INSL6: variants seen among roughly 807,000 people sequenced by gnomAD.
INSL6 encodes insulin like 6.
Under a neutral mutation model 9.4 loss-of-function variants are expected in INSL6, and 16 were observed. The ratio of observed to expected loss-of-function variants is 1.70; its 90% confidence interval spans 1.15 to 2.59. INSL6 has a LOEUF of 2.59. Among genes scored for constraint, INSL6 ranks in the 30% most tolerant of loss-of-function variants. The pLI, the probability that INSL6 is intolerant of heterozygous loss-of-function variation, is 0.00. For synonymous variants in INSL6, 154 were observed against 96.9 expected, an observed-to-expected ratio of 1.59 and a Z score of -3.46; for missense variants, 391 against 257.3, an observed-to-expected ratio of 1.52 and a Z score of -3.56.
At chr9:5,167,604 G>C (rs1169665348) in intron 1 of INSL6, among the ~76,000 whole-genome samples, 1 of 152,212 alleles carries the variant, frequency 6.6e-6, no homozygotes, top group Non-Finnish European at 1.5e-5. Flanking sequence ...TTTATGGATA[G>C]AACTCTGATA....
the INSL6 span, among the ~76,000 whole-genome samples, chr9:5,061,908 A>G: frequency 5.3e-5 from 8 of 152,214 alleles, no homozygotes; most frequent in African/African-American, 1.9e-4. Flanking sequence ...TTGTAGGATT[A>G]TTAATTGGCC....
the INSL6 span, chr9:5,041,142 G>T: frequency 5.6e-6 from 6 of 1,065,446 alleles, no homozygotes; most frequent in East Asian, 9.7e-5. Flanking sequence ...ATCGCCATCC[G>T]GCTGATCACG....
chr9:5,112,900 G>A, the INSL6 span: 1 of 312,578 alleles, frequency 3.2e-6, no homozygotes, highest in Non-Finnish European at 5.7e-6. Flanking sequence ...CGTGGGCTGG[G>A]CCCAGAACGC....
the INSL6 span, chr9:5,114,418 G>T: frequency 2.0e-6 from 1 of 499,040 alleles, no homozygotes. Flanking sequence ...TGGATCAAGG[G>T]GGAGACCTAC....
chr9:5,043,946 T>C, the INSL6 span, among the ~76,000 whole-genome samples: 1 of 152,256 alleles, frequency 6.6e-6, no homozygotes, highest in Non-Finnish European at 1.5e-5. Context: ...GACTTTATGG[T>C]ATGTGAATTA....
chr9:5,096,492 C>G, the INSL6 span, among the ~76,000 whole-genome samples: 1 of 152,158 alleles, frequency 6.6e-6, no homozygotes, highest in South Asian at 2.1e-4. Context: ...ACTTCTCCCT[C>G]CATGTGGGGG....
At chr9:5,080,160 C>G in the INSL6 span, 4 of 1,184,270 alleles carry the variant, frequency 3.4e-6, no homozygotes, top group South Asian at 6.6e-5. Context: ...AACTTTAAAG[C>G]TATTTACATA....
the INSL6 span, among the ~76,000 whole-genome samples, chr9:5,103,221 C>CAAAA: frequency 1.6e-3 from 11 of 6,872 alleles, 1 homozygote; most frequent in African/African-American, 1.8e-3. Context: ...AAAGGGAAAG[C>CAAAA]AAAAAAAAAA....
the INSL6 span, among the ~76,000 whole-genome samples, chr9:5,023,281 T>C: frequency 6.6e-6 from 1 of 152,240 alleles, no homozygotes; most frequent in African/African-American, 2.4e-5. Context: ...TCCTGGCTTA[T>C]TTCACTCGAC....
chr9:5,127,751 T>C (rs550957698), intron 3 of INSL6: 1 of 232,630 alleles, frequency 4.3e-6, no homozygotes, highest in Non-Finnish European at 8.5e-6. Flanking sequence ...TTAGATTGTT[T>C]TTTAAAAATG....
the INSL6 span, among the ~76,000 whole-genome samples, chr9:5,023,801 A>G: frequency 2.5e-3 from 382 of 152,302 alleles, 2 homozygotes; most frequent in South Asian, 0.02. Flanking sequence ...CTGGTCAGTT[A>G]TCTTGACTAT....
At chr9:5,116,768 T>C in the INSL6 span, among the ~76,000 whole-genome samples, 1 of 152,202 alleles carries the variant, frequency 6.6e-6, no homozygotes, top group African/African-American at 2.4e-5. Context: ...AAGTTTGACG[T>C]GATAGGCAAA....
the INSL6 span, chr9:5,078,377 G>A: frequency 6.2e-7 from 1 of 1,612,916 alleles, no homozygotes; most frequent in Non-Finnish European, 8.5e-7. Context: ...AAGACAGGAA[G>A]ACAGGAAATC....
the INSL6 span, among the ~76,000 whole-genome samples, chr9:5,033,198 A>G: frequency 1.3e-5 from 2 of 152,188 alleles, no homozygotes; most frequent in African/African-American, 4.8e-5. Context: ...TTTAGAGAAA[A>G]AGGAATAAAA....
chr9:5,014,489 C>T, the INSL6 span, among the ~76,000 whole-genome samples: 1 of 152,080 alleles, frequency 6.6e-6, no homozygotes. Flanking sequence ...TCTAGTGGTA[C>T]AAGACAATGA....
At chr9:5,086,261 T>A in the INSL6 span, 39 of 485,812 alleles carry the variant, frequency 8.0e-5, no homozygotes, top group Middle Eastern at 1.9e-3. Context: ...TGGCTCCGCC[T>A]CTGGCCCGCG....
At chr9:5,163,750 GAAAATACT>G, downstream of INSL6, 1 of 587,380 alleles carries the variant, frequency 1.7e-6, no homozygotes, top group Non-Finnish European at 3.0e-6. Flanking sequence ...GGTCACCAAA[GAAAATACT>G]AAGATACCTA....
chr9:5,072,887 ATTT>A, the INSL6 span, among the ~76,000 whole-genome samples: 1 of 152,056 alleles, frequency 6.6e-6, no homozygotes, highest in Non-Finnish European at 1.5e-5. Context: ...TGTGGCCTTG[ATTT>A]TCAAACTTGG....
chr9:5,087,711 A>C, the INSL6 span, among the ~76,000 whole-genome samples: 1 of 152,212 alleles, frequency 6.6e-6, no homozygotes, highest in Non-Finnish European at 1.5e-5. Flanking sequence ...GCTTATTGGA[A>C]CATCAAATGG....
Sources: allele counts gnomAD v4.1 joint callset (sites outside exome capture counted in the v4.1 genomes callset), GRCh38; gene constraint gnomAD v4.1.1; transcripts MANE v1.5; gene names NCBI Gene and HGNC (gene_info 2026-07-23, HGNC 2026-07-21).